The following COL9A2 variants were observed in gnomAD, a reference collection of about 807,000 sequenced individuals.
The protein encoded by COL9A2 is collagen type IX alpha 2 chain.
Under a neutral mutation model 111.6 loss-of-function variants are expected in COL9A2, and 66 were observed. That is an observed-to-expected ratio of 0.59 (90% CI 0.48 to 0.73). The LOEUF (loss-of-function observed/expected upper bound fraction) is 0.73. Among genes scored for constraint, COL9A2 ranks in the 30% least tolerant of loss-of-function variants. The probability of loss-of-function intolerance (pLI) is 0.00; values close to 1 mark genes in which losing one functional copy is unlikely to be tolerated. For missense variants in COL9A2, 881 were observed against 954.1 expected (o/e 0.92, Z 1.01); for synonymous variants, 353 against 364.1 (o/e 0.97, Z 0.35).
rs901278723 is a variant in COL9A2, at chr1:40,316,026, T to C, written c.76-362A>G. The stretch of plus-strand genomic sequence containing the variant: ...GCCCTTGCGCGGTCGCGGTGGGGAA[T>C]AGATGGAGACGTGGACAGCTCAAAT... On this transcript the variant is annotated intron_variant, in intron 1 of 31. Coordinates refer to ENST00000372748, the MANE Select transcript of COL9A2 (RefSeq NM_001852.4). The surrounding 1 kb of genome is among the most constrained non-coding windows in gnomAD (Gnocchi z 5.5). The C allele has an allele frequency of 2.1e-5, 5 of 235,196 alleles. No individual in the cohort carries two copies. Among genetic ancestry groups the C allele is most frequent in the Non-Finnish European group, 2.5e-5 (3 of 120,572 alleles). The allele number at this position is 235,196 out of a possible 1,614,324, so 14.6% of individuals were successfully genotyped here.
intron 21 of COL9A2, 107 bp downstream of exon 21, chr1:40,305,608 G>A (rs1170175381): frequency 9.8e-7 from 1 of 1,022,160 alleles, no homozygotes; most frequent in African/African-American, 1.6e-5. Flanking sequence ...CTGAATCATT[G>A]GGTCAGGGCA....
Position 40,301,798 on chromosome 1 carries a change from G to A in COL9A2, c.1870+14C>T, listed in dbSNP as rs1425036702. ...TGAGGAACACACTGCAGCTGGGCAG[G>A]GCCAATGGCTTACCTGGGATCCCTG... On this transcript the variant is annotated intron_variant, in intron 31 of 31. Transcript: ENST00000372748. 1.2e-6 allele frequency: 2 copies of A among 1,613,410 alleles called. No individual in the cohort carries two copies. The highest frequency in any genetic ancestry group is 1.7e-6 in the Non-Finnish European group (2 of 1,179,440).
rs750896997 is a variant in COL9A2 at position 40,301,311 on chromosome 1, T to C, written c.1941A>G (p.Gly647=). The C allele has an allele frequency of 1.9e-6, 3 of 1,612,326 alleles. No individual in the cohort carries two copies. Among genetic ancestry groups the C allele is most frequent in the South Asian group, 2.2e-5 (2 of 91,006 alleles). ...CTGGCAGGCCAGGTCGACCTGCCTC[T>C]CCTGGAGCCCCTGGGGACCCTCGAT... is the stretch of plus-strand genomic sequence containing the variant. ...DGDRGSPGAP[G]EAGRPGLPGP... Residue 647 remains glycine, a synonymous_variant, in exon 32 of 32, where the codon GGA becomes GGG. Coordinates refer to ENST00000372748, the MANE Select transcript of COL9A2 (RefSeq NM_001852.4).
rs956196192 is a variant in COL9A2, at chr1:40,316,693, G to A, written c.75+430C>T. 2 of 428,574 alleles carry A rather than the reference G, an allele frequency of 4.7e-6. No homozygotes were observed. Among genetic ancestry groups the A allele is most frequent in the Middle Eastern group, 3.8e-4 (1 of 2,658 alleles). 26.5% of individuals were successfully genotyped at this position (428,574 alleles called of 1,614,324 possible). ...CCGGCGGCCCTCGGAAGGGAGACGT[G>A]GGTAGGCGGGCAGGGCCGAGAGGCC... is the stretch of plus-strand genomic sequence containing the variant. On this transcript the variant is annotated intron_variant, in intron 1 of 31. Coordinates refer to ENST00000372748, the MANE Select transcript of COL9A2 (RefSeq NM_001852.4). The surrounding 1 kb of genome is among the most constrained non-coding windows in gnomAD (Gnocchi z 5.5).
At position 40,312,498 on chromosome 1, in the gene COL9A2, A is replaced by T; in HGVS notation, c.340-19T>A. The T allele has an allele frequency of 6.2e-7, 1 of 1,613,952 alleles. No individual in the cohort carries two copies. Among genetic ancestry groups the T allele is most frequent in the Non-Finnish European group, 8.5e-7 (1 of 1,179,930 alleles). On this transcript the variant is annotated intron_variant, in intron 6 of 31. Coordinates refer to ENST00000372748, the MANE Select transcript of COL9A2 (RefSeq NM_001852.4). The surrounding 1 kb of genome is among the most constrained non-coding windows in gnomAD (Gnocchi z 6.0). ...CAGGGCCCTGGAACAGAAAGAAAGAAAATTGGCTTCATGGCTCCCTCTGCA... is the reference window on the plus strand; with the variant it reads ...CAGGGCCCTGGAACAGAAAGAAAGATAATTGGCTTCATGGCTCCCTCTGCA...
Position 40,303,463 on chromosome 1 carries a change from C to T in COL9A2, c.1548+67G>A, listed in dbSNP as rs1318031318. The stretch of plus-strand genomic sequence containing the variant: ...GTCTCTGGGAATCCCTAGCCTTTGG[C>T]GGGTAAGCCGCACCCCAGAACAGAT... On this transcript the variant is annotated intron_variant, in intron 28 of 31. Transcript: ENST00000372748. The surrounding 1 kb of genome is among the most constrained non-coding windows in gnomAD (Gnocchi z 4.6). The T allele has an allele frequency of 2.5e-6, 4 of 1,594,432 alleles. No homozygotes were observed. Among genetic ancestry groups the T allele is most frequent in the Non-Finnish European group, 8.6e-7 (1 of 1,168,302 alleles).
intron 1 of COL9A2, chr1:40,315,977 C>T (rs1644212683): frequency 3.2e-6 from 1 of 308,540 alleles, no homozygotes; most frequent in African/African-American, 2.2e-5. Flanking sequence ...TGGATCTGCC[C>T]GACTCCTTCC....
intron 16 of COL9A2, among the ~76,000 whole-genome samples, chr1:40,309,692 A>C (rs1361543246): frequency 6.6e-6 from 1 of 151,794 alleles, no homozygotes; most frequent in Non-Finnish European, 1.5e-5. Context: ...ACACACTCAG[A>C]GATATCCTCA....
At chr1:40,304,213 C>T (rs1237037859) in intron 24 of COL9A2, 107 bp downstream of exon 24, 5 of 1,524,024 alleles carry the variant, frequency 3.3e-6, no homozygotes, top group Non-Finnish European at 4.4e-6. Context: ...AGACCAGAAC[C>T]CTGAGATCCG....
At position 40,304,000 on chromosome 1, in the gene COL9A2, G is replaced by A. The variant is rs1188758927; in HGVS notation, c.1324-28C>T. On this transcript the variant is annotated intron_variant, in intron 25 of 31. Transcript: ENST00000372748. This position sits in a 1 kb window ranked among gnomAD's most constrained non-coding sequence, Gnocchi z 4.6. ...GCAGAGAGAACCACGGGTCAGACGC[G>A]CGGTGGCGGCGGGGACGCAGAGCAG... 2 of 1,568,968 alleles carry A rather than the reference G, an allele frequency of 1.3e-6. No homozygotes were observed. The highest frequency in any genetic ancestry group is 1.3e-5 in the African/African-American group (1 of 74,196).
At position 40,315,581 on chromosome 1, in the gene COL9A2, G is replaced by C. The variant is rs764660997; in HGVS notation, c.150+9C>G. 23 of 1,551,738 alleles carry C rather than the reference G, an allele frequency of 1.5e-5. No homozygotes were observed. The highest frequency in any genetic ancestry group is 1.9e-5 in the Non-Finnish European group (22 of 1,146,886). On this transcript the variant is annotated intron_variant, in intron 2 of 31. Transcript: ENST00000372748. Reference sequence around the variant, plus strand: ...TCCCTCCCGCCCTGGTCTCAGGTTAGAGACTTACGTCGATGCCGTCGGATC... The same window carrying C: ...TCCCTCCCGCCCTGGTCTCAGGTTACAGACTTACGTCGATGCCGTCGGATC...
At chr1:40,304,578 A>G (rs1643993548) in intron 22 of COL9A2, 49 bp from the exon 23 acceptor site, 2 of 1,606,674 alleles carry the variant, frequency 1.2e-6, no homozygotes, top group Non-Finnish European at 1.7e-6. Flanking sequence ...CAGCAGGGGT[A>G]GCCTCCCGCA....
chr1:40,305,100 C>CTCTG (rs1315757578), intron 21 of COL9A2: 1 of 318,168 alleles, frequency 3.1e-6, no homozygotes, highest in African/African-American at 2.9e-5. Context: ...GGGAGTCTTG[C>CTCTG]TCTGTCACCC....
chr1:40,306,844 A>ATTT (rs751057593), intron 19 of COL9A2, among the ~76,000 whole-genome samples: 2 of 134,314 alleles, frequency 1.5e-5, no homozygotes, highest in African/African-American at 2.8e-5. Flanking sequence ...CTCAATAACT[A>ATTT]TTTTTTTTTT....
intron 16 of COL9A2, among the ~76,000 whole-genome samples, chr1:40,309,595 CAGA>C (rs200808280): frequency 0.11 from 16,436 of 151,988 alleles, 1,650 homozygotes; most frequent in African/African-American, 0.26. Context: ...GCTCTTGGCA[CAGA>C]TGGTCCTCCC....
In COL9A2 at chr1:40,316,435, G is replaced by C. The variant is rs1490860302; in HGVS notation, c.75+688C>G. 6.6e-6 allele frequency among the ~76,000 whole-genome samples: 1 copy of C among 152,206 alleles called. No homozygotes were observed. Among genetic ancestry groups the C allele is most frequent in the Non-Finnish European group, 1.5e-5 (1 of 68,022 alleles). On this transcript the variant is annotated intron_variant, in intron 1 of 31. Transcript: ENST00000372748. This position sits in a 1 kb window ranked among gnomAD's most constrained non-coding sequence, Gnocchi z 5.5. ...TCAGGGAGGTCACAAGTCATATCAA[G>C]ATGAGGCGAGCTCACAGCTGGAGAG...
rs761800965 is a variant in COL9A2 at position 40,303,853 on chromosome 1, G to C, written c.1369-14C>G. ...GCCGGACTCGCCCTGCAGGCACAAG[G>C]AGCAGCGGTCACGAAGCCGCGGGGA... On this transcript the variant is annotated splice_polypyrimidine_tract_variant and intron_variant, in intron 26 of 31. Transcript: ENST00000372748. This position sits in a 1 kb window ranked among gnomAD's most constrained non-coding sequence, Gnocchi z 4.6. The C allele has an allele frequency of 6.4e-6, 10 of 1,554,780 alleles. No individual in the cohort carries two copies. Among genetic ancestry groups the C allele is most frequent in the Non-Finnish European group, 8.7e-6 (10 of 1,149,668 alleles).
chr1:40,302,515 A>C lies in COL9A2; in HGVS notation c.1792+106T>G. 5 of 1,264,684 alleles carry C rather than the reference A, an allele frequency of 4.0e-6. No homozygotes were observed. The highest frequency in any genetic ancestry group is 4.4e-6 in the Non-Finnish European group (4 of 901,464). 78.3% of individuals were successfully genotyped at this position (1,264,684 alleles called of 1,614,324 possible). A position where few individuals can be genotyped will look rare whatever the true frequency, so the allele number is the denominator to read the frequency against. On this transcript the variant is annotated intron_variant, in intron 30 of 31. Transcript: ENST00000372748. The surrounding 1 kb of genome is among the most constrained non-coding windows in gnomAD (Gnocchi z 4.5). The stretch of plus-strand genomic sequence containing the variant: ...GTCTCCTGGACCATGTGGCTGAGGA[A>C]CCGGGGAAGGGTCTGTATGTCATCC...
In COL9A2 at chr1:40,301,822, T is replaced by C. The variant is rs1402611468; in HGVS notation, c.1860A>G (p.Pro620=). 6.2e-7 allele frequency: 1 copy of C among 1,613,992 alleles called. No homozygotes were observed. The highest frequency in any genetic ancestry group is 1.7e-5 in the Admixed American group (1 of 60,020). Residue 620 remains proline (P), a synonymous_variant, in exon 31 of 32, where the codon CCA becomes CCG. Transcript: ENST00000372748. ...GGGCCAATGGCTTACCTGGGATCCC[T>C]GGGGGCCCAGGCATCCCGGGGTGCC... ...GRGHPGMPGP[P]GIPGLPGRPG...
Sources: gnomAD v4.1 joint callset for allele counts (sites outside exome capture counted in the v4.1 genomes callset) on GRCh38, gnomAD v4.1.1 for gene constraint, Gnocchi (gnomAD v3.1) non-coding constraint, MANE v1.5 for transcripts, NCBI Gene and HGNC (gene_info 2026-07-23, HGNC 2026-07-21) for gene names.